Variants in RERE observed in about 807,000 individuals in gnomAD.
RERE encodes the protein arginine-glutamic acid dipeptide repeats.
RERE carries 40 observed loss-of-function variants against 146.1 expected under a neutral mutation model. The observed-to-expected ratio is 0.27, with a 90% CI of 0.21 to 0.36. The LOEUF (loss-of-function observed/expected upper bound fraction) is 0.36. RERE is among the 10% of genes least tolerant of loss of function. RERE has a pLI of 1.00. For synonymous variants in RERE, 1,003 were observed against 866.0 expected (o/e 1.16, Z -2.78); for missense variants, 1,933 against 2,138.7 (o/e 0.90, Z 1.90).
At chr1:8,488,674 T>C (rs1181303002) in intron 10 of RERE, among the ~76,000 whole-genome samples, 1 of 152,282 alleles carries the variant, frequency 6.6e-6, no homozygotes, top group East Asian at 1.9e-4. Context: ...GGTCAAGACT[T>C]CCTATATAGC....
chr1:8,510,486 A>C (rs886463326), intron 7 of RERE, among the ~76,000 whole-genome samples: 4 of 152,186 alleles, frequency 2.6e-5, no homozygotes, highest in African/African-American at 9.7e-5. Flanking sequence ...AACGAAGCTA[A>C]AAGATGGATT....
At chr1:8,613,656 GAGC>G (rs1203630249) in intron 4 of RERE, among the ~76,000 whole-genome samples, 2 of 152,202 alleles carry the variant, frequency 1.3e-5, no homozygotes, top group Non-Finnish European at 2.9e-5. Context: ...AAGTGTGAGA[GAGC>G]TTGCTATCCT....
At chr1:8,792,843 G>C (rs1183313978) in intron 1 of RERE, among the ~76,000 whole-genome samples, 1 of 152,020 alleles carries the variant, frequency 6.6e-6, no homozygotes, top group African/African-American at 2.4e-5. Context: ...GAAGCTGTGA[G>C]GATCGGATAG....
intron 11 of RERE, among the ~76,000 whole-genome samples, chr1:8,459,143 G>T (rs941506722): frequency 1.3e-5 from 2 of 152,114 alleles, no homozygotes; most frequent in African/African-American, 4.8e-5. Flanking sequence ...TGGTTCAAAG[G>T]CCGATGGGAA....
intron 1 of RERE, among the ~76,000 whole-genome samples, chr1:8,712,927 T>A (rs180799550): frequency 6.6e-6 from 1 of 152,342 alleles, no homozygotes; most frequent in East Asian, 1.9e-4. Context: ...GCCTAAGGCG[T>A]CATGGTTGCA....
intron 4 of RERE, among the ~76,000 whole-genome samples, chr1:8,612,609 T>C (rs1425410879): frequency 2.0e-5 from 3 of 152,162 alleles, no homozygotes; most frequent in Non-Finnish European, 4.4e-5. Context: ...AAAATTAATG[T>C]TATTATGGGG....
At chr1:8,564,843 T>TGA (rs1646130813) in intron 4 of RERE, among the ~76,000 whole-genome samples, 1 of 132,976 alleles carries the variant, frequency 7.5e-6, no homozygotes, top group Admixed American at 7.6e-5. Context: ...TGTGTGTGTG[T>TGA]GTGTGTGTGT....
At chr1:8,665,364 C>T (rs1344581865) in intron 1 of RERE, among the ~76,000 whole-genome samples, 1 of 152,184 alleles carries the variant, frequency 6.6e-6, no homozygotes, top group Non-Finnish European at 1.5e-5. Flanking sequence ...TTGCCCTTTG[C>T]TGTATTTCCA....
At chr1:8,601,264 C>G (rs934939567) in intron 4 of RERE, among the ~76,000 whole-genome samples, 2 of 151,954 alleles carry the variant, frequency 1.3e-5, no homozygotes, top group African/African-American at 4.8e-5. Context: ...GTGACCCACC[C>G]TCCTCAGCCT....
At chr1:8,655,810 C>T (rs140153933) in intron 2 of RERE, among the ~76,000 whole-genome samples, 163 bp downstream of exon 2, 12 of 152,230 alleles carry the variant, frequency 7.9e-5, no homozygotes, top group African/African-American at 2.6e-4. Context: ...AGTGGGTGAA[C>T]CTAACTGACC....
chr1:8,763,235 A>G (rs898219865), intron 1 of RERE, among the ~76,000 whole-genome samples: 2 of 152,326 alleles, frequency 1.3e-5, no homozygotes, highest in Non-Finnish European at 2.9e-5. Flanking sequence ...TTCACTTCTC[A>G]GTTCAGAAAT....
intron 3 of RERE, among the ~76,000 whole-genome samples, chr1:8,619,754 T>C (rs888582562): frequency 3.9e-5 from 6 of 152,240 alleles, no homozygotes; most frequent in African/African-American, 1.4e-4. Context: ...TCTTAATGCC[T>C]GGGTTTCTAT....
chr1:8,481,309 T>A (rs1186350048), intron 10 of RERE, among the ~76,000 whole-genome samples: 1 of 151,980 alleles, frequency 6.6e-6, no homozygotes, highest in African/African-American at 2.4e-5. Context: ...AGAGACAGGG[T>A]TTCACCATGT....
rs186893590 is a variant in RERE, at chr1:8,653,637, G to T, written c.325+2336C>A. ...GTGAACCCGGGAGGCGGAGCTTGCA[G>T]TGAGCCAAGATCGCGCCACTGCACT... is the stretch of plus-strand genomic sequence containing the variant. On this transcript the variant is annotated intron_variant, in intron 2 of 22. Coordinates refer to ENST00000400908, the MANE Select transcript of RERE (RefSeq NM_001042681.2). 2.2e-3 allele frequency among the ~76,000 whole-genome samples: 331 copies of T among 148,030 alleles called. 1 individual carries two copies. The highest frequency in any genetic ancestry group is 7.4e-3 in the African/African-American group (294 of 39,940).
chr1:8,380,042 C>T (rs912521564), intron 12 of RERE, among the ~76,000 whole-genome samples: 1 of 152,206 alleles, frequency 6.6e-6, no homozygotes. Flanking sequence ...ACTCCAACGC[C>T]CACCTCACGG....
Position 8,360,447 on chromosome 1 carries a change from G to A in RERE, c.3060C>T (p.His1020=), listed in dbSNP as rs1221915041. 1.5e-5 allele frequency: 12 copies of A among 823,256 alleles called. No homozygotes were observed. The highest frequency in any genetic ancestry group is 6.7e-5 in the East Asian group (2 of 29,750). 51.0% of individuals were successfully genotyped at this position (823,256 alleles called of 1,614,324 possible). ...SQNLPPPPAS[H]PPTGLHQVAP... is the part of the protein sequence containing the mutation. ...CCACCTGGTGGAGGCCTGTAGGGGG[G>A]TGGGAGGCAGGGGGCGGGGGCAGGT... is the stretch of plus-strand genomic sequence containing the variant. The change falls in exon 18 of 23, where the codon CAC becomes CAT. Residue 1020 remains histidine (H), a synonymous_variant. Transcript: ENST00000400908.
At chr1:8,463,338 G>T (rs1381814676) in intron 11 of RERE, among the ~76,000 whole-genome samples, 3 of 152,162 alleles carry the variant, frequency 2.0e-5, no homozygotes, top group Non-Finnish European at 4.4e-5. Flanking sequence ...TGATAAAAAT[G>T]ACCCCAAACG....
chr1:8,601,620 A>G (rs189628752), intron 4 of RERE, among the ~76,000 whole-genome samples: 3 of 132,150 alleles, frequency 2.3e-5, no homozygotes, highest in African/African-American at 8.5e-5. Context: ...TTCATGTCCA[A>G]GGTCACCACA....
rs1226020231 is a variant in RERE, at chr1:8,354,510, T to TA, written c.*576dup. ...GGCTGGAAAAAATAGATCACAATAGTAGTTTATGGAAGAAAAAAAGGCTGT... is the reference window on the plus strand; with the variant it reads ...GGCTGGAAAAAATAGATCACAATAGTAAGTTTATGGAAGAAAAAAAGGCTGT... On this transcript the variant is annotated 3_prime_UTR_variant, in exon 23 of 23. Coordinates refer to ENST00000400908, the MANE Select transcript of RERE (RefSeq NM_001042681.2). 6.6e-6 allele frequency: 1 copy of TA among 152,194 alleles called. No homozygotes were observed. The highest frequency in any genetic ancestry group is 6.5e-5 in the Admixed American group (1 of 15,272). 9.4% of individuals were successfully genotyped at this position (152,194 alleles called of 1,614,324 possible).
Sources: gnomAD v4.1 joint callset for allele counts (sites outside exome capture counted in the v4.1 genomes callset) on GRCh38, gnomAD v4.1.1 for gene constraint, MANE v1.5 for transcripts, NCBI Gene and HGNC (gene_info 2026-07-23, HGNC 2026-07-21) for gene names.